Variants in PEBP4 observed in about 807,000 individuals in gnomAD.
PEBP4 encodes phosphatidylethanolamine binding protein 4.
A neutral mutation model predicts 23.9 loss-of-function variants in PEBP4; 22 were observed. The observed-to-expected ratio is 0.92, with a 90% CI of 0.66 to 1.31. The LOEUF is 1.31. Ranked by LOEUF, PEBP4 falls within the 40% of genes most tolerant of loss-of-function variation. PEBP4 has a pLI of 0.00. For synonymous variants in PEBP4, 112 were observed against 99.3 expected (o/e 1.13, Z -0.76); for missense variants, 324 against 281.7 (o/e 1.15, Z -1.07).
intron 4 of PEBP4, among the ~76,000 whole-genome samples, chr8:22,797,625 C>T (rs1028431667): frequency 6.6e-6 from 1 of 152,154 alleles, no homozygotes; most frequent in African/African-American, 2.4e-5. Flanking sequence ...TGATGGTGAG[C>T]AGAGCAGCAG....
At chr8:22,855,012 A>G (rs906117506) in intron 3 of PEBP4, among the ~76,000 whole-genome samples, 185 of 27,504 alleles carry the variant, frequency 6.7e-3, no homozygotes, top group African/African-American at 0.011. Flanking sequence ...ACACACACAC[A>G]CACACACACA....
intron 4 of PEBP4, among the ~76,000 whole-genome samples, chr8:22,765,377 C>G (rs1040474536): frequency 6.6e-6 from 1 of 152,172 alleles, no homozygotes; most frequent in Non-Finnish European, 1.5e-5. Flanking sequence ...CTCCTGACCT[C>G]AAGTGATCTG....
chr8:22,763,328 G>T (rs1805548278), intron 4 of PEBP4, among the ~76,000 whole-genome samples: 1 of 152,140 alleles, frequency 6.6e-6, no homozygotes, highest in South Asian at 2.1e-4. Context: ...AACCCCTTGG[G>T]TTTCTTCTTG....
intron 3 of PEBP4, among the ~76,000 whole-genome samples, chr8:22,909,663 G>A (rs1808894423): frequency 6.6e-6 from 1 of 152,178 alleles, no homozygotes. Context: ...CCCACCAGAA[G>A]CAGTACTGTG....
At chr8:22,939,754 G>A (rs186026889) in intron 1 of PEBP4, among the ~76,000 whole-genome samples, 2 of 152,154 alleles carry the variant, frequency 1.3e-5, no homozygotes, top group East Asian at 3.9e-4. Flanking sequence ...GAGAGTGTCT[G>A]TGAGATAAAC....
chr8:22,807,857 CACCT>C (rs1337490352), intron 4 of PEBP4, among the ~76,000 whole-genome samples: 3 of 149,004 alleles, frequency 2.0e-5, no homozygotes, highest in Non-Finnish European at 3.0e-5. Flanking sequence ...TCCACCCACC[CACCT>C]ACCCAACCTC....
intron 1 of PEBP4, among the ~76,000 whole-genome samples, chr8:22,940,411 A>G (rs910522070): frequency 1.3e-5 from 2 of 152,310 alleles, no homozygotes; most frequent in Non-Finnish European, 2.9e-5. Flanking sequence ...GAAGAAAGTC[A>G]CAAATAATGC....
chr8:22,728,850 A>T (rs1302545753), intron 4 of PEBP4, among the ~76,000 whole-genome samples: 1 of 152,108 alleles, frequency 6.6e-6, no homozygotes, highest in African/African-American at 2.4e-5. Flanking sequence ...CACCCGCCTC[A>T]GGCTCCCAAA....
intron 4 of PEBP4, among the ~76,000 whole-genome samples, chr8:22,748,790 G>A (rs1351470809): frequency 2.6e-5 from 4 of 152,124 alleles, no homozygotes; most frequent in Non-Finnish European, 4.4e-5. Flanking sequence ...TGCAGGGTAG[G>A]CCTTTTCTCG....
chr8:22,732,747 G>A (rs1172092610), intron 4 of PEBP4, among the ~76,000 whole-genome samples: 1 of 152,000 alleles, frequency 6.6e-6, no homozygotes, highest in Non-Finnish European at 1.5e-5. Context: ...CTTGGCACAG[G>A]ACTAGGTGCA....
chr8:22,881,314 A>G (rs1808253833), intron 3 of PEBP4, among the ~76,000 whole-genome samples: 2 of 152,142 alleles, frequency 1.3e-5, no homozygotes, highest in Admixed American at 1.3e-4. Flanking sequence ...AGACCTTCCT[A>G]TCACCTACAA....
intron 3 of PEBP4, among the ~76,000 whole-genome samples, chr8:22,848,493 G>C (rs576937649): frequency 6.6e-6 from 1 of 152,212 alleles, no homozygotes; most frequent in East Asian, 1.9e-4. Context: ...GTGTGTGCAT[G>C]TGTGTGTGAG....
At chr8:22,737,957 G>A (rs1349341726) in intron 4 of PEBP4, among the ~76,000 whole-genome samples, 3 of 151,850 alleles carry the variant, frequency 2.0e-5, no homozygotes, top group South Asian at 4.2e-4. Flanking sequence ...GGAGTAGACG[G>A]CGTAGGGGCT....
chr8:22,722,231 C>T (rs2128748290), intron 6 of PEBP4, among the ~76,000 whole-genome samples: 1 of 152,250 alleles, frequency 6.6e-6, no homozygotes, highest in Non-Finnish European at 1.5e-5. Flanking sequence ...CCTCTTCCTT[C>T]ACTCAAGGAT....
At chr8:22,756,189 C>A (rs1202566025) in intron 4 of PEBP4, among the ~76,000 whole-genome samples, 4 of 152,184 alleles carry the variant, frequency 2.6e-5, no homozygotes, top group Non-Finnish European at 5.9e-5. Flanking sequence ...GGTCTGGAGA[C>A]AAGGTGGCAA....
At chr8:22,803,324 G>T (rs1806428216) in intron 4 of PEBP4, among the ~76,000 whole-genome samples, 1 of 152,060 alleles carries the variant, frequency 6.6e-6, no homozygotes, top group Admixed American at 6.6e-5. Flanking sequence ...CACCTGTCTT[G>T]GCCTCTCCTG....
At chr8:22,917,377 A>G (rs1809099249) in intron 3 of PEBP4, among the ~76,000 whole-genome samples, 1 of 152,134 alleles carries the variant, frequency 6.6e-6, no homozygotes, top group South Asian at 2.1e-4. Flanking sequence ...CCCTTAAGGG[A>G]AGCTCCAACT....
At chr8:22,938,421 G>A (rs2128783598) in intron 1 of PEBP4, among the ~76,000 whole-genome samples, 1 of 152,262 alleles carries the variant, frequency 6.6e-6, no homozygotes, top group African/African-American at 2.4e-5. Context: ...TTCCTTTAGG[G>A]TACCTTCCTG....
At chr8:22,819,366 C>G (rs1806810393) in intron 3 of PEBP4, among the ~76,000 whole-genome samples, 1 of 152,178 alleles carries the variant, frequency 6.6e-6, no homozygotes. Flanking sequence ...ATGTGACAAT[C>G]TGATTTGACA....
Sources: gnomAD v4.1 joint callset for allele counts (sites outside exome capture counted in the v4.1 genomes callset) on GRCh38, gnomAD v4.1.1 for gene constraint, MANE v1.5 for transcripts, NCBI Gene and HGNC (gene_info 2026-07-23, HGNC 2026-07-21) for gene names.